The following SCN9A variants were observed in gnomAD, a reference collection of about 807,000 sequenced individuals.
SCN9A encodes the protein sodium channel protein type 9 subunit alpha.
Under a neutral mutation model 187.0 loss-of-function variants are expected in SCN9A, and 131 were observed. The ratio of observed to expected loss-of-function variants is 0.70; its 90% CI spans 0.61 to 0.81. The LOEUF (loss-of-function observed/expected upper bound fraction) is 0.81. Among genes scored for constraint, SCN9A ranks in the 30% least tolerant of loss-of-function variants. The pLI, the probability that SCN9A is intolerant of heterozygous loss-of-function variation, is 0.00. For synonymous variants in SCN9A, 809 were observed against 808.6 expected, an observed-to-expected ratio of 1.00 and a Z score of -0.01; for missense variants, 2,252 against 2,396.6, an observed-to-expected ratio of 0.94 and a Z score of 1.26.
chr2:166,214,250 T>C (rs1368263491), intron 24 of SCN9A, among the ~76,000 whole-genome samples: 3 of 151,906 alleles, frequency 2.0e-5, no homozygotes, highest in African/African-American at 4.8e-5. Flanking sequence ...CAAAAAACGA[T>C]GGGGGGTTTT....
At chr2:166,211,555 A>G (rs1007337208) in intron 24 of SCN9A, among the ~76,000 whole-genome samples, 4 of 151,904 alleles carry the variant, frequency 2.6e-5, no homozygotes, top group African/African-American at 9.7e-5. Flanking sequence ...TAAAAGTTAA[A>G]TGTCAAAATA....
chr2:166,284,504 A>G lies in SCN9A; in HGVS notation c.1923T>C (p.Asn641=), dbSNP rs975387164. ...VDGRSALMLP[N]GQLLPEVIID... ...TTATCACCTCTGGCAGAAGCTGTCCATTGGGGAGCATGAGGGCTGAGCGTC... is the reference window on the plus strand; with the variant it reads ...TTATCACCTCTGGCAGAAGCTGTCCGTTGGGGAGCATGAGGGCTGAGCGTC... The change falls in exon 12 of 27, where the codon AAT becomes AAC. Residue 641 remains asparagine, a synonymous_variant. Transcript: ENST00000642356. 6.2e-7 allele frequency: 1 copy of G among 1,614,022 alleles called. No individual in the cohort carries two copies. The highest frequency in any genetic ancestry group is 8.5e-7 in the Non-Finnish European group (1 of 1,180,004).
chr2:166,205,821 AAAAC>A (rs762664706), intron 24 of SCN9A, among the ~76,000 whole-genome samples: 9 of 152,240 alleles, frequency 5.9e-5, no homozygotes, highest in Middle Eastern at 3.2e-3. Flanking sequence ...TTACAAGAAA[AAAAC>A]AAACAACTCC....
At chr2:166,290,536 G>A (rs1478568589) in intron 9 of SCN9A, among the ~76,000 whole-genome samples, 1 of 152,136 alleles carries the variant, frequency 6.6e-6, no homozygotes, top group Non-Finnish European at 1.5e-5. Context: ...CCCACCAACA[G>A]TGTAAAAGTG....
chr2:166,243,990 A>G (rs1191688880), intron 18 of SCN9A, among the ~76,000 whole-genome samples: 1 of 151,984 alleles, frequency 6.6e-6, no homozygotes, highest in African/African-American at 2.4e-5. Flanking sequence ...TTGGCAGATA[A>G]AATCAGCAGG....
chr2:166,265,256 ATC>A (rs1696683578), intron 17 of SCN9A, among the ~76,000 whole-genome samples: 1 of 151,832 alleles, frequency 6.6e-6, no homozygotes, highest in Non-Finnish European at 1.5e-5. Flanking sequence ...CTATTCTACT[ATC>A]TACTTCTATG....
intron 7 of SCN9A, among the ~76,000 whole-genome samples, chr2:166,300,295 A>G (rs1698497772): frequency 6.6e-6 from 1 of 150,650 alleles, no homozygotes; most frequent in African/African-American, 2.5e-5. Flanking sequence ...CTTTAAACCC[A>G]TACCCTCCCT....
intron 1 of SCN9A, among the ~76,000 whole-genome samples, chr2:166,335,039 G>A (rs1295744745): frequency 2.6e-5 from 4 of 152,214 alleles, no homozygotes; most frequent in South Asian, 2.1e-4. Context: ...CTAAACAATT[G>A]TATGCTGCAC....
At chr2:166,235,693 A>T (rs1405114004) in intron 20 of SCN9A, among the ~76,000 whole-genome samples, 1 of 151,694 alleles carries the variant, frequency 6.6e-6, no homozygotes, top group African/African-American at 2.4e-5. Context: ...AAAAAAAATC[A>T]GCCACTCCCC....
chr2:166,219,593 G>A (rs924839269), intron 24 of SCN9A, among the ~76,000 whole-genome samples: 2 of 152,036 alleles, frequency 1.3e-5, no homozygotes, highest in African/African-American at 4.8e-5. Context: ...GGAGGAAGGA[G>A]AGGGTCAGGA....
At position 166,311,509 on chromosome 2, in the gene SCN9A, G is replaced by A. The variant is rs756476767; in HGVS notation, c.248C>T (p.Ala83Val). The change falls in exon 2 of 27, where the codon GCA (alanine) becomes GTA (valine). Residue 83 changes from alanine (A) to valine (V), a missense_variant. Physicochemically the swap from Ala to Val is moderately conservative, Grantham distance 64. Coordinates refer to ENST00000642356, the MANE Select transcript of SCN9A (RefSeq NM_001365536.1). ...EPLEDLDPYYADKKTFIVLNK... is the reference protein window; with the variant it reads ...EPLEDLDPYYVDKKTFIVLNK... ...TCAAAATAAACTCACCTTTTTGTCT[G>A]CATAGTAGGGGTCCAAGTCCTCCAG... 32 of 1,602,300 alleles carry A rather than the reference G, an allele frequency of 2.0e-5. No individual in the cohort carries two copies. The East Asian group carries it at 6.9e-4, about 35-fold the overall frequency.
intron 9 of SCN9A, among the ~76,000 whole-genome samples, chr2:166,289,704 T>C (rs918625331): frequency 6.6e-6 from 1 of 152,112 alleles, no homozygotes; most frequent in African/African-American, 2.4e-5. Flanking sequence ...TACCCAGTAA[T>C]GGGATTGCTG....
chr2:166,291,952 C>A lies in SCN9A; in HGVS notation c.1107+1279G>T, dbSNP rs1698091583. Among the ~76,000 whole-genome samples, 2 of 152,126 alleles carry A rather than the reference C, an allele frequency of 1.3e-5. 1 individual carries two copies. Among genetic ancestry groups the A allele is most frequent in the South Asian group, 4.2e-4 (2 of 4,818 alleles). ...TGGATTAAAGACTTAATGTAAAACC[C>A]CAAACCATGAAAACCCTAGAAGAAA... On this transcript the variant is annotated intron_variant, in intron 9 of 26. Transcript: ENST00000642356.
At chr2:166,248,612 A>T (rs1434367093) in intron 18 of SCN9A, among the ~76,000 whole-genome samples, 2 of 130,792 alleles carry the variant, frequency 1.5e-5, no homozygotes, top group African/African-American at 2.9e-5. Flanking sequence ...ATGTCTTATA[A>T]TCTGGCCTCT....
intron 7 of SCN9A, among the ~76,000 whole-genome samples, chr2:166,298,100 A>G (rs1335225007): frequency 6.6e-6 from 1 of 152,198 alleles, no homozygotes; most frequent in African/African-American, 2.4e-5. Flanking sequence ...TGAGAAAACT[A>G]GTGCAGGGGA....
At chr2:166,213,202 T>C (rs1694170281) in intron 24 of SCN9A, among the ~76,000 whole-genome samples, 1 of 151,508 alleles carries the variant, frequency 6.6e-6, no homozygotes, top group Admixed American at 6.6e-5. Flanking sequence ...AATTGGTTTT[T>C]TCGAAAGATA....
chr2:166,212,519 C>T (rs1239417776), intron 24 of SCN9A, among the ~76,000 whole-genome samples: 2 of 152,168 alleles, frequency 1.3e-5, no homozygotes, highest in African/African-American at 4.8e-5. Context: ...AAGGGATAAA[C>T]ATGCAGCAAC....
chr2:166,306,698 A>T, intron 3 of SCN9A, 99 bp from the exon 4 acceptor site: 1 of 836,960 alleles, frequency 1.2e-6, no homozygotes, highest in East Asian at 2.7e-5. Context: ...TAAGAAAAAA[A>T]TTCTAAATGA....
At chr2:166,319,737 A>G (rs543132278) in intron 1 of SCN9A, among the ~76,000 whole-genome samples, 101 of 152,302 alleles carry the variant, frequency 6.6e-4, no homozygotes, top group African/African-American at 2.4e-3. Flanking sequence ...TTATTTACAC[A>G]AAGACAAGAT....
Sources: allele counts gnomAD v4.1 joint callset (sites outside exome capture counted in the v4.1 genomes callset), GRCh38; gene constraint gnomAD v4.1.1; transcripts MANE v1.5; gene names NCBI Gene and HGNC (gene_info 2026-07-23, HGNC 2026-07-21).